Variants in HEPHL1 observed in about 807,000 individuals in gnomAD.
HEPHL1 encodes the protein hephaestin like 1, also known as ferroxidase HEPHL1.
HEPHL1 carries 123 observed loss-of-function variants against 122.0 expected under a neutral mutation model. The ratio of observed to expected loss-of-function variants is 1.01; its 90% CI spans 0.87 to 1.17. The LOEUF is 1.17. Among genes scored for constraint, HEPHL1 ranks in the 50% most tolerant of loss-of-function variants. The probability of loss-of-function intolerance (pLI) is 0.00; values close to 1 mark genes in which losing one functional copy is unlikely to be tolerated. For synonymous variants in HEPHL1, 527 were observed against 508.9 expected, an observed-to-expected ratio of 1.04 and a Z score of -0.48; for missense variants, 1,452 against 1,430.5, an observed-to-expected ratio of 1.01 and a Z score of -0.24.
intron 16 of HEPHL1, 85 bp from the exon 17 acceptor site, chr11:94,105,906 G>T: frequency 1.1e-6 from 1 of 894,960 alleles, no homozygotes; most frequent in East Asian, 2.7e-5. Context: ...GAAAATATCA[G>T]TGACCTAAAG....
chr11:94,029,684 C>T (rs1160062885), intron 1 of HEPHL1, among the ~76,000 whole-genome samples: 2 of 152,188 alleles, frequency 1.3e-5, no homozygotes, highest in Non-Finnish European at 2.9e-5. Flanking sequence ...CCAATCCCCC[C>T]TTGGGGTGAC....
chr11:94,046,465 C>A (rs1945840050), intron 2 of HEPHL1, among the ~76,000 whole-genome samples: 1 of 149,670 alleles, frequency 6.7e-6, no homozygotes, highest in Non-Finnish European at 1.5e-5. Context: ...TATGTTGACA[C>A]AGAACTCCTC....
chr11:94,036,497 T>C (rs1414744086), intron 1 of HEPHL1, among the ~76,000 whole-genome samples: 1 of 152,094 alleles, frequency 6.6e-6, no homozygotes, highest in East Asian at 1.9e-4. Context: ...ATCTCACAAC[T>C]TTTCAGGCTC....
At chr11:94,049,897 G>A (rs1388170678) in intron 2 of HEPHL1, among the ~76,000 whole-genome samples, 1 of 152,028 alleles carries the variant, frequency 6.6e-6, no homozygotes, top group African/African-American at 2.4e-5. Flanking sequence ...GATAGCAGTC[G>A]CTTTGCGTTA....
rs893566464 is a variant in HEPHL1 at position 94,067,682 on chromosome 11, C to A, written c.995C>A (p.Thr332Lys). The part of the protein sequence containing the change: ...VVNLFPATFL[T>K]TEMIAENPGK... The stretch of plus-strand genomic sequence containing the variant: ...AACCTGTTCCCAGCCACCTTCCTTA[C>A]AACAGAAATGATAGCCGAGAATCCT... Residue 332 changes from threonine (T) to lysine (K), a missense_variant, in exon 5 of 20, where the codon ACA (threonine) becomes AAA (lysine). Transcript: ENST00000315765. The A allele has an allele frequency of 6.2e-7, 1 of 1,613,726 alleles. No individual in the cohort carries two copies. The highest frequency in any genetic ancestry group is 8.5e-7 in the Non-Finnish European group (1 of 1,179,722).
chr11:94,094,671 A>C (rs1946295029), intron 13 of HEPHL1, among the ~76,000 whole-genome samples: 1 of 152,092 alleles, frequency 6.6e-6, no homozygotes, highest in South Asian at 2.1e-4. Flanking sequence ...TTGTTTCCTG[A>C]CTTTTTAATG....
At chr11:94,053,875 G>T (rs1247161940) in intron 2 of HEPHL1, among the ~76,000 whole-genome samples, 7 of 152,146 alleles carry the variant, frequency 4.6e-5, no homozygotes, top group Non-Finnish European at 1.0e-4. Flanking sequence ...CCTAGTATGT[G>T]CTCCATTCTG....
chr11:94,100,320 C>T (rs1396963280), intron 13 of HEPHL1, among the ~76,000 whole-genome samples: 3 of 152,232 alleles, frequency 2.0e-5, no homozygotes, highest in African/African-American at 4.8e-5. Context: ...GTGTATCTCC[C>T]TGTGAATGTA....
At chr11:94,051,159 T>C (rs1440156768) in intron 2 of HEPHL1, among the ~76,000 whole-genome samples, 3 of 152,110 alleles carry the variant, frequency 2.0e-5, no homozygotes, top group Non-Finnish European at 2.9e-5. Flanking sequence ...AAATGGGGTA[T>C]GTACCCATAC....
chr11:94,028,704 C>T (rs1456986489), intron 1 of HEPHL1, among the ~76,000 whole-genome samples: 5 of 152,192 alleles, frequency 3.3e-5, no homozygotes, highest in Admixed American at 2.0e-4. Flanking sequence ...CTCAGCCCCT[C>T]GCCATGGCTA....
At chr11:94,036,958 A>C (rs995602940) in intron 1 of HEPHL1, among the ~76,000 whole-genome samples, 1,558 of 151,256 alleles carry the variant, frequency 0.01, 23 homozygotes, top group African/African-American at 0.036. Context: ...TCTGAGGTAC[A>C]GGGTTCATCT....
At chr11:94,072,961 A>G (rs1403155856) in intron 6 of HEPHL1, 64 bp from the exon 7 acceptor site, 3 of 1,476,402 alleles carry the variant, frequency 2.0e-6, no homozygotes, top group African/African-American at 1.4e-5. Context: ...ATGAAGTTCT[A>G]TAATTAAAGT....
chr11:94,101,485 A>G, intron 14 of HEPHL1, 150 bp downstream of exon 14: 1 of 796,164 alleles, frequency 1.3e-6, no homozygotes, highest in Non-Finnish European at 1.9e-6. Flanking sequence ...TCATTCATCC[A>G]ATGACCAAAT....
chr11:94,021,663 T>G (rs1337776740), intron 1 of HEPHL1, 125 bp downstream of exon 1: 1 of 758,616 alleles, frequency 1.3e-6, no homozygotes. Flanking sequence ...AGAAGGTGTT[T>G]TGTTTTTTGC....
At chr11:94,030,304 C>T (rs1288969311) in intron 1 of HEPHL1, among the ~76,000 whole-genome samples, 2 of 152,206 alleles carry the variant, frequency 1.3e-5, no homozygotes, top group African/African-American at 4.8e-5. Flanking sequence ...CTGCCTCTTC[C>T]TCTTCCTTCT....
chr11:94,085,942 T>A, intron 10 of HEPHL1, 35 bp from the exon 11 acceptor site: 1 of 1,515,170 alleles, frequency 6.6e-7, no homozygotes, highest in South Asian at 1.1e-5. Flanking sequence ...CCATACACAC[T>A]GATAATTTTT....
chr11:94,090,598 T>C (rs1182561153), intron 12 of HEPHL1, among the ~76,000 whole-genome samples: 1 of 152,194 alleles, frequency 6.6e-6, no homozygotes, highest in Non-Finnish European at 1.5e-5. Flanking sequence ...CAAAGTGAGA[T>C]AAGGACAAGT....
chr11:94,072,058 G>T (rs1248703821), intron 6 of HEPHL1, among the ~76,000 whole-genome samples: 1 of 152,106 alleles, frequency 6.6e-6, no homozygotes, highest in African/African-American at 2.4e-5. Flanking sequence ...TTTGGAGCAG[G>T]TAAATAGCAA....
chr11:94,075,434 G>C, intron 9 of HEPHL1, 49 bp downstream of exon 9: 2 of 1,312,146 alleles, frequency 1.5e-6, no homozygotes, highest in Non-Finnish European at 2.1e-6. Flanking sequence ...ATGTGGGAGA[G>C]ATCCGCAAGA....
Sources: allele counts gnomAD v4.1 joint callset (sites outside exome capture counted in the v4.1 genomes callset), GRCh38; gene constraint gnomAD v4.1.1; transcripts MANE v1.5; gene names NCBI Gene and HGNC (gene_info 2026-07-23, HGNC 2026-07-21).